The following RBFOX1 variants were observed in gnomAD, a reference collection of about 807,000 sequenced individuals.
The protein encoded by RBFOX1 is RNA binding fox-1 homolog 1, also known as RNA binding protein fox-1 homolog 1.
RBFOX1 carries 8 observed loss-of-function variants against 57.7 expected under a neutral mutation model. That is an observed-to-expected ratio of 0.14 (90% CI 0.08 to 0.25). The LOEUF is 0.25. Ranked by LOEUF, RBFOX1 falls within the 10% of genes least tolerant of loss-of-function variation. The pLI, the probability that RBFOX1 is intolerant of heterozygous loss-of-function variation, is 1.00. For missense variants in RBFOX1, 611 were observed against 548.5 expected (o/e 1.11, Z -1.14); for synonymous variants, 326 against 222.4 (o/e 1.47, Z -4.15).
At chr16:5,537,635 T>G (rs2044752161) in intron 2 of RBFOX1, among the ~76,000 whole-genome samples, 1 of 152,196 alleles carries the variant, frequency 6.6e-6, no homozygotes, top group African/African-American at 2.4e-5. Context: ...CAGCCTGGAG[T>G]AGCCATTATA....
At chr16:7,080,916 T>C (rs2059095027) in intron 4 of RBFOX1, among the ~76,000 whole-genome samples, 1 of 152,234 alleles carries the variant, frequency 6.6e-6, no homozygotes, top group African/African-American at 2.4e-5. Flanking sequence ...TAGCAGTTTC[T>C]CATTGCTTGT....
intron 2 of RBFOX1, among the ~76,000 whole-genome samples, chr16:5,589,033 C>T (rs7188379): frequency 0.038 from 5,726 of 152,226 alleles, 129 homozygotes; most frequent in African/African-American, 0.049. Context: ...TGAAAAACTG[C>T]ATAGAGAGGG....
intron 2 of RBFOX1, among the ~76,000 whole-genome samples, chr16:6,372,349 A>T (rs74007310): frequency 6.7e-6 from 1 of 150,158 alleles, no homozygotes; most frequent in Non-Finnish European, 1.5e-5. Context: ...GTGGAAGTAT[A>T]GTCGGATGGA....
chr16:7,125,830 C>G (rs575885978), intron 4 of RBFOX1, among the ~76,000 whole-genome samples: 3 of 152,280 alleles, frequency 2.0e-5, no homozygotes, highest in Non-Finnish European at 4.4e-5. Flanking sequence ...CACCTGTAAT[C>G]CCAGCACTTT....
chr16:7,451,583 C>T (rs1477934592), intron 4 of RBFOX1, among the ~76,000 whole-genome samples: 2 of 152,142 alleles, frequency 1.3e-5, no homozygotes, highest in African/African-American at 4.8e-5. Context: ...AGACTGGCTT[C>T]TAAATTCCTG....
At chr16:7,681,557 G>A (rs1041137406) in intron 14 of RBFOX1, among the ~76,000 whole-genome samples, 3 of 152,028 alleles carry the variant, frequency 2.0e-5, no homozygotes, top group Admixed American at 6.6e-5. Context: ...CATTTTAATT[G>A]GAGTTCTTAT....
intron 4 of RBFOX1, among the ~76,000 whole-genome samples, chr16:6,001,079 A>C (rs2152329364): frequency 6.6e-6 from 1 of 152,228 alleles, no homozygotes; most frequent in East Asian, 1.9e-4. Flanking sequence ...ATGGGTAGAT[A>C]TTTAAATTAA....
At position 6,703,569 on chromosome 16, in the gene RBFOX1, G is replaced by C. The variant is rs565066789; in HGVS notation, c.-16+48919G>C. Among the ~76,000 whole-genome samples, 11 of 152,098 alleles carry C rather than the reference G, an allele frequency of 7.2e-5. No homozygotes were observed. In the East Asian group the frequency reaches 2.1e-3, roughly 29 times the overall value. ...CTAAAATAAAAATAAAAAAAGCCTG[G>C]TGTGGTGTTGCACACCTGTAGTTCT... On this transcript the variant is annotated intron_variant, in intron 3 of 15. Coordinates refer to ENST00000550418, the MANE Select transcript of RBFOX1 (RefSeq NM_018723.4).
At chr16:6,091,840 A>C (rs1886396028) in intron 1 of RBFOX1, among the ~76,000 whole-genome samples, 1 of 152,152 alleles carries the variant, frequency 6.6e-6, no homozygotes, top group Admixed American at 6.5e-5. Context: ...CAAAAAAACA[A>C]AACAAAACAA....
intron 4 of RBFOX1, among the ~76,000 whole-genome samples, chr16:7,460,235 C>G (rs1246634302): frequency 6.6e-6 from 1 of 151,498 alleles, no homozygotes; most frequent in African/African-American, 2.4e-5. Context: ...CTGCAACACC[C>G]AGAAGAAGAA....
At position 7,265,958 on chromosome 16, in the gene RBFOX1, G is replaced by GTATTTTTTTTTTTTTTTTTTT; in HGVS notation, c.27+213861_27+213862insATTTTTTTTTTTTTTTTTTTT. Among the ~76,000 whole-genome samples the GTATTTTTTTTTTTTTTTTTTT allele has an allele frequency of 2.8e-5, 3 of 107,604 alleles. 1 individual carries two copies. The highest frequency in any genetic ancestry group is 3.5e-5 in the Non-Finnish European group (2 of 57,454). 70.6% of individuals were successfully genotyped at this position (107,604 alleles called of 152,430 possible). A position where few individuals can be genotyped will look rare whatever the true frequency, so the allele number is the denominator to read the frequency against. ...GTGAGTGAGTTATGAGATCTGGTGGGTTTTTGTTTTTTTTTTTTTTTTTTT... is the reference window on the plus strand; with the variant it reads ...GTGAGTGAGTTATGAGATCTGGTGGGTATTTTTTTTTTTTTTTTTTTTTTTTGTTTTTTTTTTTTTTTTTTT... On this transcript the variant is annotated intron_variant, in intron 4 of 15. Transcript: ENST00000550418.
At chr16:6,575,195 G>T (rs936850052) in intron 2 of RBFOX1, among the ~76,000 whole-genome samples, 1 of 152,156 alleles carries the variant, frequency 6.6e-6, no homozygotes, top group African/African-American at 2.4e-5. Flanking sequence ...TTTTATGCCT[G>T]TGAGTGATTT....
chr16:6,087,334 C>G (rs185298306), intron 1 of RBFOX1, among the ~76,000 whole-genome samples: 94 of 152,120 alleles, frequency 6.2e-4, no homozygotes, highest in African/African-American at 2.2e-3. Context: ...TTTTAATTAA[C>G]CAAGAAGTTC....
chr16:6,717,099 G>A (rs1456837969), intron 3 of RBFOX1, among the ~76,000 whole-genome samples: 2 of 152,166 alleles, frequency 1.3e-5, no homozygotes, highest in African/African-American at 4.8e-5. Context: ...CAATCTGTCA[G>A]TGGATTGATC....
chr16:5,978,283 C>T (rs2060107240), intron 4 of RBFOX1, among the ~76,000 whole-genome samples: 5 of 151,820 alleles, frequency 3.3e-5, no homozygotes, highest in African/African-American at 9.7e-5. Context: ...CACTGCACTC[C>T]AGCCTGGGTG....
At chr16:6,764,335 T>C (rs2077033958) in intron 3 of RBFOX1, among the ~76,000 whole-genome samples, 1 of 152,168 alleles carries the variant, frequency 6.6e-6, no homozygotes, top group Non-Finnish European at 1.5e-5. Context: ...GCCCACCCTT[T>C]TAAAGGGAAA....
chr16:5,967,708 G>A (rs1236332437), intron 4 of RBFOX1, among the ~76,000 whole-genome samples: 2 of 152,084 alleles, frequency 1.3e-5, no homozygotes, highest in East Asian at 3.9e-4. Context: ...AATCCTGCTT[G>A]TAAAGGACAC....
At chr16:6,596,210 T>A (rs1205263546) in intron 2 of RBFOX1, among the ~76,000 whole-genome samples, 1 of 149,932 alleles carries the variant, frequency 6.7e-6, no homozygotes, top group African/African-American at 2.4e-5. Context: ...AGAGATTTAC[T>A]CCTGTTTCTT....
chr16:7,165,544 C>T (rs1000834348), intron 4 of RBFOX1, among the ~76,000 whole-genome samples: 10 of 151,946 alleles, frequency 6.6e-5, no homozygotes, highest in African/African-American at 1.9e-4. Context: ...ATTCACCTGC[C>T]TCAGCCTCCT....
Sources: gnomAD v4.1 joint callset for allele counts (sites outside exome capture counted in the v4.1 genomes callset) on GRCh38, gnomAD v4.1.1 for gene constraint, MANE v1.5 for transcripts, NCBI Gene and HGNC (gene_info 2026-07-23, HGNC 2026-07-21) for gene names.